DENND1A: variants seen among roughly 807,000 people sequenced by gnomAD.
DENND1A encodes DENN domain containing 1A.
In DENND1A, 51 loss-of-function variants were observed where a neutral mutation model predicts 113.7. The observed-to-expected ratio is 0.45, with a 90% CI of 0.36 to 0.57. The LOEUF (loss-of-function observed/expected upper bound fraction) is 0.57. Among genes scored for constraint, DENND1A ranks in the 20% least tolerant of loss-of-function variants. DENND1A has a pLI of 0.00. For missense variants in DENND1A, 1,258 were observed against 1,395.9 expected (o/e 0.90, Z 1.57); for synonymous variants, 565 against 570.8 (o/e 0.99, Z 0.14).
chr9:123,681,211 G>C (rs1403415323), intron 5 of DENND1A, among the ~76,000 whole-genome samples: 2 of 151,832 alleles, frequency 1.3e-5, no homozygotes, highest in Non-Finnish European at 2.9e-5. Context: ...ATGTGGAGTG[G>C]AGGGCCTGAC....
At chr9:123,388,816 C>T (rs2042696316) in intron 21 of DENND1A, among the ~76,000 whole-genome samples, 1 of 152,206 alleles carries the variant, frequency 6.6e-6, no homozygotes, top group Middle Eastern at 3.2e-3. Context: ...AATCCCGGCC[C>T]TTGTGCTGGG....
At chr9:123,438,177 T>C (rs1232254082) in intron 19 of DENND1A, among the ~76,000 whole-genome samples, 5 of 152,210 alleles carry the variant, frequency 3.3e-5, no homozygotes, top group Non-Finnish European at 7.3e-5. Flanking sequence ...GAAACCGTAC[T>C]TCTTACGGTC....
chr9:123,755,577 A>C (rs1241857002), intron 5 of DENND1A, among the ~76,000 whole-genome samples: 1 of 151,594 alleles, frequency 6.6e-6, no homozygotes, highest in African/African-American at 2.4e-5. Flanking sequence ...TGGATTTTTT[A>C]AAGTAAAAGT....
chr9:123,841,222 C>G (rs968129050), intron 2 of DENND1A, among the ~76,000 whole-genome samples: 2 of 152,128 alleles, frequency 1.3e-5, no homozygotes, highest in African/African-American at 4.8e-5. Flanking sequence ...TTCCAGTAAA[C>G]AAAGACTAAT....
chr9:123,832,576 C>T (rs182412741), intron 2 of DENND1A, among the ~76,000 whole-genome samples: 5 of 152,244 alleles, frequency 3.3e-5, no homozygotes, highest in Admixed American at 2.0e-4. Flanking sequence ...TGTCATAGCT[C>T]CATTATTTGA....
intron 20 of DENND1A, among the ~76,000 whole-genome samples, chr9:123,406,807 G>A (rs549783193): frequency 2.0e-5 from 3 of 152,154 alleles, no homozygotes; most frequent in East Asian, 3.9e-4. Context: ...TAGGGTGAAG[G>A]AGCAGTTCTG....
At chr9:123,382,961 G>A (rs148080702) in intron 23 of DENND1A, among the ~76,000 whole-genome samples, 12 of 152,346 alleles carry the variant, frequency 7.9e-5, no homozygotes, top group Middle Eastern at 3.4e-3. Context: ...CTGTAAGCCC[G>A]GGGGCGCGAG....
intron 13 of DENND1A, among the ~76,000 whole-genome samples, chr9:123,490,199 A>G (rs895972602): frequency 2.6e-5 from 4 of 152,236 alleles, no homozygotes; most frequent in African/African-American, 9.6e-5. Context: ...CCAGTGTAGG[A>G]TATAGTTCAA....
chr9:123,623,654 T>G (rs1006253459), intron 10 of DENND1A, among the ~76,000 whole-genome samples: 1 of 152,240 alleles, frequency 6.6e-6, no homozygotes, highest in Non-Finnish European at 1.5e-5. Flanking sequence ...CTAATTAAAG[T>G]TAACTCAGAT....
intron 12 of DENND1A, among the ~76,000 whole-genome samples, chr9:123,571,023 T>C (rs1200633606): frequency 6.6e-6 from 1 of 152,176 alleles, no homozygotes; most frequent in Non-Finnish European, 1.5e-5. Context: ...AAACACTACT[T>C]TGGCAACTTT....
At chr9:123,677,169 AGACACACACACT>A (rs1257381560) in intron 5 of DENND1A, among the ~76,000 whole-genome samples, 8 of 150,738 alleles carry the variant, frequency 5.3e-5, no homozygotes, top group African/African-American at 2.0e-4. Flanking sequence ...ACACAGACAC[AGACACACACACT>A]GACACACACA....
At chr9:123,442,645 G>T (rs762050972) in intron 18 of DENND1A, among the ~76,000 whole-genome samples, 1 of 152,026 alleles carries the variant, frequency 6.6e-6, no homozygotes, top group Non-Finnish European at 1.5e-5. Flanking sequence ...GAAAATCTGG[G>T]TATTAATAGA....
intron 5 of DENND1A, among the ~76,000 whole-genome samples, chr9:123,687,477 G>T (rs2064880729): frequency 6.6e-6 from 1 of 152,182 alleles, no homozygotes; most frequent in Admixed American, 6.5e-5. Flanking sequence ...GGGTGAGATT[G>T]CCCAGAGCAC....
intron 2 of DENND1A, among the ~76,000 whole-genome samples, chr9:123,841,960 C>T (rs756431925): frequency 6.6e-6 from 1 of 152,164 alleles, no homozygotes; most frequent in Non-Finnish European, 1.5e-5. Flanking sequence ...AGTTAGAATT[C>T]AGACATTTTG....
At chr9:123,860,465 T>C (rs747595758) in intron 2 of DENND1A, among the ~76,000 whole-genome samples, 1 of 152,208 alleles carries the variant, frequency 6.6e-6, no homozygotes, top group Non-Finnish European at 1.5e-5. Context: ...TCTCTTATGC[T>C]TTAAGCAAAA....
At chr9:123,790,245 T>C (rs1438311931) in intron 3 of DENND1A, among the ~76,000 whole-genome samples, 7 of 152,050 alleles carry the variant, frequency 4.6e-5, no homozygotes, top group African/African-American at 1.7e-4. Context: ...ACCTAAATGA[T>C]AAAAAGATAA....
intron 5 of DENND1A, among the ~76,000 whole-genome samples, chr9:123,708,541 C>G (rs1033655581): frequency 3.9e-5 from 6 of 152,016 alleles, no homozygotes; most frequent in African/African-American, 1.4e-4. Flanking sequence ...ACATTTACTT[C>G]AGAGTCTAAG....
At chr9:123,434,530 C>T (rs1314678724) in intron 19 of DENND1A, among the ~76,000 whole-genome samples, 1 of 152,146 alleles carries the variant, frequency 6.6e-6, no homozygotes, top group Non-Finnish European at 1.5e-5. Flanking sequence ...ATAATAAAAC[C>T]CCAGGATGTG....
In DENND1A at chr9:123,636,697, CTTT is replaced by C. The variant is rs112301152; in HGVS notation, c.619-6224_619-6222del. ...AGGAAGAATAGGCAAGATTACCAGA[CTTT>C]TTTTTTTTTTTTTTTTTGAGACAGA... On this transcript the variant is annotated intron_variant, in intron 9 of 23. Transcript: ENST00000394215. Among the ~76,000 whole-genome samples, 46 of 119,636 alleles carry C rather than the reference CTTT, an allele frequency of 3.8e-4. No homozygotes were observed. The East Asian group carries it at 5.8e-3, about 15-fold the overall frequency. 78.5% of individuals were successfully genotyped at this position (119,636 alleles called of 152,430 possible).
Sources: gnomAD v4.1 joint callset for allele counts (sites outside exome capture counted in the v4.1 genomes callset) on GRCh38, gnomAD v4.1.1 for gene constraint, MANE v1.5 for transcripts, NCBI Gene and HGNC (gene_info 2026-07-23, HGNC 2026-07-21) for gene names.